UBAC2: variants seen among roughly 807,000 people sequenced by gnomAD.
UBAC2 encodes the protein UBA domain containing 2, also known as ubiquitin-associated domain-containing protein 2.
Under a neutral mutation model 44.0 loss-of-function variants are expected in UBAC2, and 26 were observed. The ratio of observed to expected loss-of-function variants is 0.59; its 90% CI spans 0.43 to 0.82. The LOEUF (loss-of-function observed/expected upper bound fraction) is 0.82, where lower values mean the gene tolerates loss of function less well. Ranked by LOEUF, UBAC2 falls within the 40% of genes least tolerant of loss-of-function variation. The pLI, the probability that UBAC2 is intolerant of heterozygous loss-of-function variation, is 0.00. For missense variants in UBAC2, 329 were observed against 419.4 expected, an observed-to-expected ratio of 0.78 and a Z score of 1.88; for synonymous variants, 155 against 154.3, an observed-to-expected ratio of 1.00 and a Z score of -0.04.
intron 8 of UBAC2, among the ~76,000 whole-genome samples, chr13:99,381,947 A>G (rs1488603761): frequency 2.6e-5 from 4 of 152,248 alleles, no homozygotes; most frequent in Admixed American, 2.6e-4. Context: ...CACCAAACCA[A>G]TCCTGTTGGC....
chr13:99,301,834 A>G (rs1247887362), intron 4 of UBAC2, among the ~76,000 whole-genome samples: 3 of 152,224 alleles, frequency 2.0e-5, no homozygotes, highest in African/African-American at 7.2e-5. Flanking sequence ...AACCTTTACC[A>G]TATTCGGGGA....
intron 4 of UBAC2, among the ~76,000 whole-genome samples, chr13:99,264,490 G>C (rs186744028): frequency 6.6e-6 from 1 of 152,160 alleles, no homozygotes; most frequent in Admixed American, 6.5e-5. Context: ...TCTTGGCTTC[G>C]TTTGTCCCCT....
chr13:99,372,574 C>T (rs2045421523), intron 8 of UBAC2: 1 of 152,198 alleles, frequency 6.6e-6, no homozygotes, highest in African/African-American at 2.4e-5. Flanking sequence ...CCTTAGGACA[C>T]CAAGGTGGGG....
chr13:99,347,321 C>CG (rs1491337756), intron 7 of UBAC2, among the ~76,000 whole-genome samples: 588 of 11,402 alleles, frequency 0.052, 88 homozygotes, highest in African/African-American at 0.18. Context: ...CCCCGGGCGC[C>CG]CCCCCCCCCC....
chr13:99,276,471 G>T (rs757138652), intron 4 of UBAC2, among the ~76,000 whole-genome samples: 12 of 152,218 alleles, frequency 7.9e-5, no homozygotes, highest in Admixed American at 1.3e-4. Flanking sequence ...AGGATACAAC[G>T]CAGGAACAGC....
In UBAC2 at chr13:99,385,507, A is replaced by G. The variant is rs549235226; in HGVS notation, c.*172A>G. 1.8e-6 allele frequency: 1 copy of G among 566,658 alleles called. No individual in the cohort carries two copies. The highest frequency in any genetic ancestry group is 1.9e-5 in the African/African-American group (1 of 53,804). 35.1% of individuals were successfully genotyped at this position (566,658 alleles called of 1,614,324 possible). On this transcript the variant is annotated 3_prime_UTR_variant, in exon 9 of 9. Coordinates refer to ENST00000403766, the MANE Select transcript of UBAC2 (RefSeq NM_001144072.2). ...CAAGACTGTTGCCGTTTTAGTGTGG[A>G]GATAAGTTTGCCATTACATTAGCAT...
chr13:99,237,978 G>C (rs1392336670), intron 1 of UBAC2, among the ~76,000 whole-genome samples: 1 of 152,186 alleles, frequency 6.6e-6, no homozygotes, highest in African/African-American at 2.4e-5. Flanking sequence ...GAATGTATCA[G>C]ATTATCATAT....
intron 4 of UBAC2, among the ~76,000 whole-genome samples, chr13:99,305,368 G>A (rs1031905470): frequency 6.6e-6 from 1 of 152,106 alleles, no homozygotes; most frequent in African/African-American, 2.4e-5. Context: ...AACACCACGC[G>A]TCCTCTACAC....
intron 4 of UBAC2, among the ~76,000 whole-genome samples, chr13:99,246,844 C>T (rs1443082360): frequency 6.6e-6 from 1 of 152,164 alleles, no homozygotes; most frequent in Non-Finnish European, 1.5e-5. Context: ...CAGCCATCTC[C>T]TGAATGAAAA....
At chr13:99,304,367 G>A (rs2044300255) in intron 4 of UBAC2, among the ~76,000 whole-genome samples, 1 of 152,144 alleles carries the variant, frequency 6.6e-6, no homozygotes, top group South Asian at 2.1e-4. Flanking sequence ...CTGAAAGGCA[G>A]TGTGGGTGTA....
At position 99,386,501 on chromosome 13, in the gene UBAC2, C is replaced by A. The variant is rs2045622147; in HGVS notation, c.*1166C>A. 1 of 152,230 alleles carries A rather than the reference C, an allele frequency of 6.6e-6. No homozygotes were observed. Among genetic ancestry groups the A allele is most frequent in the African/African-American group, 2.4e-5 (1 of 41,464 alleles). The allele number at this position is 152,230 out of a possible 1,614,324, so 9.4% of individuals were successfully genotyped here. A position where few individuals can be genotyped will look rare whatever the true frequency, so the allele number is the denominator to read the frequency against. Reference sequence around the variant, plus strand: ...AGGCTATACATATTTACCAGTCAACCAAATCCTCCGCACTGCTCGTCTTTC... The same window carrying A: ...AGGCTATACATATTTACCAGTCAACAAAATCCTCCGCACTGCTCGTCTTTC... On this transcript the variant is annotated 3_prime_UTR_variant, in exon 9 of 9. Transcript: ENST00000403766.
At chr13:99,232,294 T>C (rs562198504) in intron 1 of UBAC2, among the ~76,000 whole-genome samples, 5 of 151,678 alleles carry the variant, frequency 3.3e-5, no homozygotes, top group African/African-American at 9.6e-5. Flanking sequence ...AACTTTAATA[T>C]TGAATGTAAA....
intron 7 of UBAC2, among the ~76,000 whole-genome samples, chr13:99,366,998 A>T (rs1265917600): frequency 6.6e-6 from 1 of 152,260 alleles, no homozygotes. Flanking sequence ...CTAGAAATAG[A>T]GATTTAAATT....
intron 7 of UBAC2, among the ~76,000 whole-genome samples, chr13:99,347,111 T>A (rs2138846403): frequency 7.7e-6 from 1 of 129,656 alleles, no homozygotes; most frequent in Middle Eastern, 3.9e-3. Context: ...GACCCCCATC[T>A]CTATTTAAAG....
chr13:99,302,535 T>A (rs566725490), intron 4 of UBAC2, among the ~76,000 whole-genome samples: 1 of 152,220 alleles, frequency 6.6e-6, no homozygotes, highest in Non-Finnish European at 1.5e-5. Context: ...GCCTTCTTGT[T>A]CAAACAGGGG....
intron 1 of UBAC2, among the ~76,000 whole-genome samples, chr13:99,228,935 C>A (rs2142704249): frequency 6.6e-6 from 1 of 152,332 alleles, no homozygotes; most frequent in South Asian, 2.1e-4. Context: ...ACCACAGTGT[C>A]AACTGTAACT....
intron 2 of UBAC2, among the ~76,000 whole-genome samples, chr13:99,242,369 G>A (rs866314352): frequency 3.5e-5 from 5 of 142,694 alleles, no homozygotes; most frequent in Non-Finnish European, 6.2e-5. Flanking sequence ...GCGGCTGTCC[G>A]GGCAGAGGGG....
intron 4 of UBAC2, chr13:99,256,233 T>C (rs2043554063): frequency 6.1e-6 from 1 of 164,654 alleles, no homozygotes; most frequent in African/African-American, 2.4e-5. Flanking sequence ...AAAACTCTAG[T>C]TTGTAATTCT....
In UBAC2 at chr13:99,338,061, T is replaced by C. The variant is rs1263642396; in HGVS notation, c.562-2259T>C. On this transcript the variant is annotated intron_variant, in intron 6 of 8. Transcript: ENST00000403766. ...TTTCTTTTTTTCTTTTTTTTTTTTT[T>C]TTTTTTTTTTTTTTGAGACAGAGTC... 1.2e-3 allele frequency among the ~76,000 whole-genome samples: 121 copies of C among 98,516 alleles called. 3 individuals are homozygous for C. Among genetic ancestry groups the C allele is most frequent in the African/African-American group, 3.8e-3 (110 of 28,672 alleles). 64.6% of individuals were successfully genotyped at this position (98,516 alleles called of 152,430 possible). A position where few individuals can be genotyped will look rare whatever the true frequency, so the allele number is the denominator to read the frequency against.
Sources: allele counts gnomAD v4.1 joint callset (sites outside exome capture counted in the v4.1 genomes callset), GRCh38; gene constraint gnomAD v4.1.1; transcripts MANE v1.5; gene names NCBI Gene and HGNC (gene_info 2026-07-23, HGNC 2026-07-21).